The following CNTN6 variants were observed in gnomAD, a reference collection of about 807,000 sequenced individuals.
CNTN6 encodes the protein contactin 6.
CNTN6 carries 137 observed loss-of-function variants against 122.8 expected under a neutral mutation model. That is an observed-to-expected ratio of 1.12 (90% CI 0.97 to 1.29). The LOEUF (loss-of-function observed/expected upper bound fraction) is 1.29, where lower values mean the gene tolerates loss of function less well. Ranked by LOEUF, CNTN6 falls within the 50% of genes most tolerant of loss-of-function variation. CNTN6 has a pLI of 0.00. For synonymous variants in CNTN6, 570 were observed against 426.0 expected, an observed-to-expected ratio of 1.34 and a Z score of -4.16; for missense variants, 1,634 against 1,223.4, an observed-to-expected ratio of 1.34 and a Z score of -5.01.
intron 12 of CNTN6, among the ~76,000 whole-genome samples, chr3:1,359,433 T>C (rs1707124240): frequency 6.6e-6 from 1 of 152,096 alleles, no homozygotes; most frequent in African/African-American, 2.4e-5. Flanking sequence ...TAGACTGGTT[T>C]TTCACTTGTT....
chr3:1,143,331 A>G (rs1575003454), intron 1 of CNTN6, among the ~76,000 whole-genome samples: 1 of 152,154 alleles, frequency 6.6e-6, no homozygotes, highest in African/African-American at 2.4e-5. Context: ...TTATGAACCA[A>G]GATACTCACT....
chr3:1,157,515 C>T (rs1394964898), intron 2 of CNTN6, among the ~76,000 whole-genome samples: 1 of 152,142 alleles, frequency 6.6e-6, no homozygotes, highest in Non-Finnish European at 1.5e-5. Context: ...CCACGCCTGG[C>T]CCTGTTATTT....
chr3:1,199,301 T>A (rs1462326051), intron 2 of CNTN6, among the ~76,000 whole-genome samples: 1 of 149,842 alleles, frequency 6.7e-6, no homozygotes. Flanking sequence ...CACCTCAGCC[T>A]CCCTAGTAGC....
rs1381095908 is a variant in CNTN6, at chr3:1,403,778, T to C, written c.*360T>C. The C allele has an allele frequency of 6.4e-6, 1 of 157,150 alleles. No individual in the cohort carries two copies. Among genetic ancestry groups the C allele is most frequent in the Non-Finnish European group, 1.4e-5 (1 of 71,618 alleles). The allele number at this position is 157,150 out of a possible 1,614,324, so 9.7% of individuals were successfully genotyped here. A position where few individuals can be genotyped will look rare whatever the true frequency, so the allele number is the denominator to read the frequency against. Reference sequence around the variant, plus strand: ...ACCATAACTCACATGTACATTTTTATGTATTCCAGACAATCACTTCAGTAT... The same window carrying C: ...ACCATAACTCACATGTACATTTTTACGTATTCCAGACAATCACTTCAGTAT... On this transcript the variant is annotated 3_prime_UTR_variant, in exon 23 of 23. Coordinates refer to ENST00000446702, the MANE Select transcript of CNTN6 (RefSeq NM_001289080.2).
At chr3:1,094,388 G>A (rs2090409200) in intron 1 of CNTN6, among the ~76,000 whole-genome samples, 1 of 152,016 alleles carries the variant, frequency 6.6e-6, no homozygotes, top group Non-Finnish European at 1.5e-5. Context: ...CATCTTTGAT[G>A]TTTCAGTGGG....
At chr3:1,099,383 G>T (rs1379637476) in intron 1 of CNTN6, among the ~76,000 whole-genome samples, 1 of 152,040 alleles carries the variant, frequency 6.6e-6, no homozygotes, top group Non-Finnish European at 1.5e-5. Flanking sequence ...CCCGGGGGGC[G>T]GAGCTTGCAG....
chr3:1,134,760 C>G lies in CNTN6; in HGVS notation c.-82-13167C>G, dbSNP rs1035705799. 4.6e-5 allele frequency among the ~76,000 whole-genome samples: 7 copies of G among 152,020 alleles called. No individual in the cohort carries two copies. The East Asian group carries it at 7.7e-4, about 17-fold the overall frequency. The stretch of plus-strand genomic sequence containing the variant: ...AAATGAGACAATTTATTTAAGAAAG[C>G]ATCTTTCACATTATAAATCAGTTTA... On this transcript the variant is annotated intron_variant, in intron 1 of 22. Coordinates refer to ENST00000446702, the MANE Select transcript of CNTN6 (RefSeq NM_001289080.2).
At chr3:1,127,371 C>A (rs913101215) in intron 1 of CNTN6, among the ~76,000 whole-genome samples, 1 of 151,844 alleles carries the variant, frequency 6.6e-6, no homozygotes, top group South Asian at 2.1e-4. Flanking sequence ...TTTGATACTT[C>A]AGGTACAGTA....
At chr3:1,293,702 C>A (rs951184211) in intron 5 of CNTN6, among the ~76,000 whole-genome samples, 2 of 152,138 alleles carry the variant, frequency 1.3e-5, no homozygotes, top group African/African-American at 2.4e-5. Context: ...GTCCATCCAA[C>A]TGAAGACTTT....
At chr3:1,114,232 G>A (rs2091612589) in intron 1 of CNTN6, among the ~76,000 whole-genome samples, 1 of 152,160 alleles carries the variant, frequency 6.6e-6, no homozygotes, top group Non-Finnish European at 1.5e-5. Context: ...AAGGCAGAAT[G>A]ACTGGTAACA....
At chr3:1,391,977 T>C (rs936696895) in intron 20 of CNTN6, among the ~76,000 whole-genome samples, 16 of 152,184 alleles carry the variant, frequency 1.1e-4, no homozygotes, top group Non-Finnish European at 1.5e-5. Context: ...ATGGCCATAC[T>C]GCCCAAGGTA....
At chr3:1,304,052 T>C (rs1697910635) in intron 7 of CNTN6, among the ~76,000 whole-genome samples, 1 of 152,188 alleles carries the variant, frequency 6.6e-6, no homozygotes, top group Non-Finnish European at 1.5e-5. Flanking sequence ...TGCCATTCTT[T>C]CTAACACTGT....
intron 5 of CNTN6, among the ~76,000 whole-genome samples, chr3:1,287,613 A>G (rs1175280961): frequency 6.6e-6 from 1 of 152,166 alleles, no homozygotes; most frequent in African/African-American, 2.4e-5. Context: ...GTACAAGTCA[A>G]AAAGAGCCCA....
At chr3:1,167,074 G>A (rs1372068080) in intron 2 of CNTN6, among the ~76,000 whole-genome samples, 1 of 151,188 alleles carries the variant, frequency 6.6e-6, no homozygotes, top group Non-Finnish European at 1.5e-5. Flanking sequence ...AACAGTGGTT[G>A]TGAGAGAACA....
intron 7 of CNTN6, among the ~76,000 whole-genome samples, chr3:1,301,623 A>G (rs1697435932): frequency 6.6e-6 from 1 of 152,202 alleles, no homozygotes; most frequent in Non-Finnish European, 1.5e-5. Flanking sequence ...ATTGTTATCT[A>G]ACAAAATTAA....
At chr3:1,383,269 G>T (rs535367108) in intron 18 of CNTN6, 24 bp from the exon 19 acceptor site, 10 of 1,604,184 alleles carry the variant, frequency 6.2e-6, no homozygotes, top group East Asian at 2.2e-5. Context: ...GCTAAAGATG[G>T]TTATGTCTTT....
At chr3:1,290,958 T>A (rs1426794704) in intron 5 of CNTN6, among the ~76,000 whole-genome samples, 2 of 152,178 alleles carry the variant, frequency 1.3e-5, no homozygotes, top group African/African-American at 4.8e-5. Context: ...TCCTGTGACT[T>A]AAAATGCCTT....
chr3:1,320,445 GCTCAAACT>G (rs1291494361), intron 7 of CNTN6, among the ~76,000 whole-genome samples: 2 of 151,604 alleles, frequency 1.3e-5, no homozygotes, highest in African/African-American at 4.8e-5. Flanking sequence ...GTTGTTTACT[GCTCAAACT>G]CTCCAAATCT....
intron 2 of CNTN6, among the ~76,000 whole-genome samples, chr3:1,172,620 C>CTCTCTG (rs762907787): frequency 3.9e-4 from 59 of 150,288 alleles, no homozygotes; most frequent in Middle Eastern, 6.9e-3. Flanking sequence ...CAATAACTCT[C>CTCTCTG]TGTGTGTGTG....
Sources: allele counts gnomAD v4.1 joint callset (sites outside exome capture counted in the v4.1 genomes callset), GRCh38; gene constraint gnomAD v4.1.1; transcripts MANE v1.5; gene names NCBI Gene and HGNC (gene_info 2026-07-23, HGNC 2026-07-21).